Variants in DCUN1D1 observed in about 807,000 individuals in gnomAD.
The protein encoded by DCUN1D1 is defective in cullin neddylation 1 domain containing 1.
In DCUN1D1, 3 loss-of-function variants were observed where a neutral mutation model predicts 39.0. The ratio of observed to expected loss-of-function variants is 0.08; its 90% CI spans 0.04 to 0.20. The LOEUF is 0.20. Ranked by LOEUF, DCUN1D1 falls within the 10% of genes least tolerant of loss-of-function variation. The pLI is 1.00. For synonymous variants in DCUN1D1, 82 were observed against 96.3 expected (o/e 0.85, Z 0.87); for missense variants, 158 against 302.4 (o/e 0.52, Z 3.54).
chr3:182,975,436 G>A (rs887140368), intron 1 of DCUN1D1, among the ~76,000 whole-genome samples: 6 of 151,702 alleles, frequency 4.0e-5, no homozygotes, highest in South Asian at 2.1e-4. Flanking sequence ...TCAGCCCCCC[G>A]AAGTACTGGG....
intron 2 of DCUN1D1, among the ~76,000 whole-genome samples, chr3:182,964,299 G>A (rs1727553135): frequency 6.6e-6 from 1 of 152,146 alleles, no homozygotes; most frequent in Non-Finnish European, 1.5e-5. Flanking sequence ...TGTGAAATAT[G>A]TCCCATACTT....
At chr3:182,976,415 CT>C (rs1350106847) in intron 1 of DCUN1D1, among the ~76,000 whole-genome samples, 7 of 149,428 alleles carry the variant, frequency 4.7e-5, no homozygotes, top group Non-Finnish European at 8.9e-5. Flanking sequence ...CAACGACCCC[CT>C]GTATATACAC....
chr3:182,979,602 C>CG (rs1381787576), intron 1 of DCUN1D1, among the ~76,000 whole-genome samples: 6 of 83,294 alleles, frequency 7.2e-5, no homozygotes, highest in South Asian at 4.4e-4. Flanking sequence ...GGACTTTTTC[C>CG]CCCCCCCAAA....
rs543561458 is a variant in DCUN1D1 at position 182,940,833 on chromosome 3, T to A, written c.*4261A>T. On this transcript the variant is annotated 3_prime_UTR_variant, in exon 7 of 7. Transcript: ENST00000292782. Reference sequence around the variant, plus strand: ...TGTAAGTAAATAGAAAATTGGGCTATACTTAAAAACACTTTTAAAATCTCA... The same window carrying A: ...TGTAAGTAAATAGAAAATTGGGCTAAACTTAAAAACACTTTTAAAATCTCA... 1 of 152,318 alleles carries A rather than the reference T, an allele frequency of 6.6e-6. No individual in the cohort carries two copies. The highest frequency in any genetic ancestry group is 2.1e-4 in the South Asian group (1 of 4,826). 9.4% of individuals were successfully genotyped at this position (152,318 alleles called of 1,614,324 possible).
At position 182,940,920 on chromosome 3, in the gene DCUN1D1, A is replaced by T. The variant is rs190573408; in HGVS notation, c.*4174T>A. ...AAATAATTTCCCTTTAAAACTCCAT[A>T]AAGACATTACTTATTGAGAATTCCA... On this transcript the variant is annotated 3_prime_UTR_variant, in exon 7 of 7. Coordinates refer to ENST00000292782, the MANE Select transcript of DCUN1D1 (RefSeq NM_020640.4). 1.1e-3 allele frequency: 167 copies of T among 152,332 alleles called. No homozygotes were observed. The highest frequency in any genetic ancestry group is 3.6e-3 in the African/African-American group (150 of 41,590). The allele number at this position is 152,332 out of a possible 1,614,324, so 9.4% of individuals were successfully genotyped here.
chr3:182,963,694 G>A (rs1727518096), intron 3 of DCUN1D1, among the ~76,000 whole-genome samples, 187 bp downstream of exon 3: 1 of 152,154 alleles, frequency 6.6e-6, no homozygotes, highest in South Asian at 2.1e-4. Flanking sequence ...AGAATAGGCT[G>A]TACTAACTAT....
intron 1 of DCUN1D1, among the ~76,000 whole-genome samples, chr3:182,975,476 A>C (rs1236039438): frequency 6.6e-6 from 1 of 152,036 alleles, no homozygotes; most frequent in Non-Finnish European, 1.5e-5. Flanking sequence ...GCGCCCAGCC[A>C]AAAATTAACA....
At position 182,940,341 on chromosome 3, in the gene DCUN1D1, G is replaced by C. The variant is rs1203888506; in HGVS notation, c.*4753C>G. On this transcript the variant is annotated 3_prime_UTR_variant, in exon 7 of 7. Transcript: ENST00000292782. ...TAAAATGAGTATGTTCCGTTTGTTT[G>C]CTCATTAAGCCACTTACATGCTGCC... The C allele has an allele frequency of 6.6e-6, 1 of 152,056 alleles. No individual in the cohort carries two copies. Among genetic ancestry groups the C allele is most frequent in the Non-Finnish European group, 1.5e-5 (1 of 68,008 alleles). 9.4% of individuals were successfully genotyped at this position (152,056 alleles called of 1,614,324 possible).
intron 1 of DCUN1D1, among the ~76,000 whole-genome samples, chr3:182,968,790 G>C (rs1383258514): frequency 1.3e-4 from 20 of 152,000 alleles, no homozygotes; most frequent in Admixed American, 1.1e-3. Flanking sequence ...AGTAGAGATG[G>C]GGTTTTGCCA....
At position 182,940,748 on chromosome 3, in the gene DCUN1D1, A is replaced by C. The variant is rs1726099500; in HGVS notation, c.*4346T>G. ...AATGCTCTGAAGTATTACAAGCTACATTATGATTTCTGCACAGCATGATGG... is the reference window on the plus strand; with the variant it reads ...AATGCTCTGAAGTATTACAAGCTACCTTATGATTTCTGCACAGCATGATGG... On this transcript the variant is annotated 3_prime_UTR_variant, in exon 7 of 7. Transcript: ENST00000292782. The C allele has an allele frequency of 6.6e-6, 1 of 152,202 alleles. No individual in the cohort carries two copies. The allele number at this position is 152,202 out of a possible 1,614,324, so 9.4% of individuals were successfully genotyped here. A position where few individuals can be genotyped will look rare whatever the true frequency, so the allele number is the denominator to read the frequency against.
At chr3:182,970,187 C>T (rs959498228) in intron 1 of DCUN1D1, among the ~76,000 whole-genome samples, 1 of 151,896 alleles carries the variant, frequency 6.6e-6, no homozygotes, top group Non-Finnish European at 1.5e-5. Flanking sequence ...TCACTTGAGC[C>T]CAAGAGTTCA....
intron 1 of DCUN1D1, 32 bp downstream of exon 1, chr3:182,980,455 G>C (rs1264498519): frequency 2.2e-5 from 25 of 1,130,362 alleles, no homozygotes; most frequent in East Asian, 5.9e-5. Context: ...GCCCCCAGCC[G>C]GCAGGGCGGG....
chr3:182,968,605 CTTTT>C (rs953091292), intron 1 of DCUN1D1, among the ~76,000 whole-genome samples: 1 of 145,692 alleles, frequency 6.9e-6, no homozygotes. Flanking sequence ...TAAATGTAAA[CTTTT>C]TTTTTTTTTG....
Position 182,939,169 on chromosome 3 carries a change from A to G in DCUN1D1, c.*5925T>C, listed in dbSNP as rs555841063. On this transcript the variant is annotated 3_prime_UTR_variant, in exon 7 of 7. Coordinates refer to ENST00000292782, the MANE Select transcript of DCUN1D1 (RefSeq NM_020640.4). Reference sequence around the variant, plus strand: ...GGATGCCTAGGTATAACTCACACACATAAAGTAAATACCCGCCAGGATGGC... The same window carrying G: ...GGATGCCTAGGTATAACTCACACACGTAAAGTAAATACCCGCCAGGATGGC... The G allele has an allele frequency of 2.0e-5, 3 of 152,356 alleles. No homozygotes were observed. Among genetic ancestry groups the G allele is most frequent in the South Asian group, 2.1e-4 (1 of 4,832 alleles). 9.4% of individuals were successfully genotyped at this position (152,356 alleles called of 1,614,324 possible).
rs759653125 is a variant in DCUN1D1, at chr3:182,958,835, C to A, written c.520+2391G>T. Among the ~76,000 whole-genome samples the A allele has an allele frequency of 2.2e-4, 34 of 152,222 alleles. No homozygotes were observed. The South Asian group carries it at 3.7e-3, about 17-fold the overall frequency. On this transcript the variant is annotated intron_variant, in intron 4 of 6. Transcript: ENST00000292782. ...TATAAAAATTTAATTTTGCTCAATT[C>A]TTACCACAAGTAATAAAAACTAAGA...
intron 4 of DCUN1D1, chr3:182,950,777 GGC>G (rs1480109569): frequency 6.6e-6 from 1 of 151,650 alleles, no homozygotes; most frequent in African/African-American, 2.4e-5. Flanking sequence ...GGCCAAGGTG[GGC>G]GGATCACCTG....
intron 4 of DCUN1D1, among the ~76,000 whole-genome samples, chr3:182,950,393 G>A (rs1450336550): frequency 2.6e-5 from 4 of 152,008 alleles, no homozygotes. Context: ...TGATCCGCCT[G>A]CCTCAGCCTA....
At chr3:182,980,321 G>A (rs1165933233) in intron 1 of DCUN1D1, among the ~76,000 whole-genome samples, 166 bp downstream of exon 1, 1 of 151,750 alleles carries the variant, frequency 6.6e-6, no homozygotes, top group Non-Finnish European at 1.5e-5. Context: ...GGCGAAGGAG[G>A]AAGGGAGAGG....
intron 4 of DCUN1D1, among the ~76,000 whole-genome samples, chr3:182,953,492 T>C (rs905676271): frequency 6.6e-6 from 1 of 152,188 alleles, no homozygotes; most frequent in Non-Finnish European, 1.5e-5. Context: ...TAAGTGACCT[T>C]GGGCAACTGG....
Sources: gnomAD v4.1 joint callset for allele counts (sites outside exome capture counted in the v4.1 genomes callset) on GRCh38, gnomAD v4.1.1 for gene constraint, MANE v1.5 for transcripts, NCBI Gene and HGNC (gene_info 2026-07-23, HGNC 2026-07-21) for gene names.